GALK1: variants seen among roughly 807,000 people sequenced by gnomAD.
GALK1 encodes the protein galactokinase 1.
In GALK1, 30 loss-of-function variants were observed where a neutral mutation model predicts 38.6. The observed-to-expected ratio is 0.78, with a 90% CI of 0.58 to 1.05. The LOEUF (loss-of-function observed/expected upper bound fraction) is 1.05. Ranked by LOEUF, GALK1 falls within the 50% of genes least tolerant of loss-of-function variation. The pLI is 0.00. For missense variants in GALK1, 512 were observed against 540.5 expected (o/e 0.95, Z 0.52); for synonymous variants, 240 against 233.6 (o/e 1.03, Z -0.25).
chr17:75,759,433 A>G (rs546400031), intron 5 of GALK1, among the ~76,000 whole-genome samples: 2 of 149,574 alleles, frequency 1.3e-5, no homozygotes, highest in South Asian at 2.1e-4. Flanking sequence ...CTCTCAAAAA[A>G]AAAGAAAGAA....
At chr17:75,756,961 G>C (rs376139144), downstream of GALK1, 2 of 1,612,654 alleles carry the variant, frequency 1.2e-6, no homozygotes, top group Non-Finnish European at 8.5e-7. Context: ...ACCGCATTCC[G>C]GGTGGATGGA....
downstream of GALK1, among the ~76,000 whole-genome samples, chr17:75,756,255 T>C (rs1359062006): frequency 6.6e-6 from 1 of 152,088 alleles, no homozygotes; most frequent in African/African-American, 2.4e-5. Flanking sequence ...CACTCTTGTA[T>C]AGTACACAAT....
At chr17:75,754,034 G>T, downstream of GALK1, 1 of 796,326 alleles carries the variant, frequency 1.3e-6, no homozygotes, top group Admixed American at 4.0e-5. Flanking sequence ...CGCGCCTGAG[G>T]GCCTGGGGTG....
At chr17:75,760,923 G>T (rs1350668843) in intron 5 of GALK1, among the ~76,000 whole-genome samples, 3 of 152,054 alleles carry the variant, frequency 2.0e-5, no homozygotes, top group African/African-American at 7.2e-5. Context: ...AAAAAAGATG[G>T]CCAGGCACAG....
downstream of GALK1, chr17:75,757,222 C>A (rs11465): frequency 6.2e-7 from 1 of 1,612,060 alleles, no homozygotes; most frequent in South Asian, 1.1e-5. Flanking sequence ...AGCTGGGCAG[C>A]CGTGCCGGGC....
At chr17:75,760,212 GC>G (rs1183457286) in intron 5 of GALK1, among the ~76,000 whole-genome samples, 1 of 151,928 alleles carries the variant, frequency 6.6e-6, no homozygotes, top group African/African-American at 2.4e-5. Flanking sequence ...TCCCACCCCA[GC>G]CTCCTAAGTA....
downstream of GALK1, chr17:75,757,618 C>T: frequency 2.5e-6 from 4 of 1,603,934 alleles, no homozygotes; most frequent in Middle Eastern, 3.3e-4. Context: ...CTCCCGGAGC[C>T]TCCTCAGCTA....
downstream of GALK1, chr17:75,757,762 A>C: frequency 1.4e-6 from 1 of 714,890 alleles, no homozygotes; most frequent in Non-Finnish European, 2.4e-6. Context: ...AAGAGCTGGG[A>C]GCAGCACAAG....
At chr17:75,756,666 C>A (rs780968655), downstream of GALK1, 3 of 1,613,112 alleles carry the variant, frequency 1.9e-6, no homozygotes, top group African/African-American at 4.0e-5. Context: ...TGCCCACCAC[C>A]CACCCACAGG....
downstream of GALK1, chr17:75,757,081 T>C: frequency 1.2e-6 from 2 of 1,612,578 alleles, no homozygotes; most frequent in Non-Finnish European, 8.5e-7. Context: ...CGCGAGGGCA[T>C]CATCACCATA....
intron 1 of GALK1, chr17:75,764,498 C>T: frequency 1.9e-6 from 1 of 514,556 alleles, no homozygotes; most frequent in Non-Finnish European, 3.8e-6. Context: ...CAAGTCGCAG[C>T]CCCGCCAAGA....
At chr17:75,754,836 C>T (rs1464794513), downstream of GALK1, 1 of 1,614,054 alleles carries the variant, frequency 6.2e-7, no homozygotes, top group Admixed American at 1.7e-5. Flanking sequence ...TCAGCCAACC[C>T]TGCCTCTCCC....
In GALK1 at chr17:75,763,128, C is replaced by T. The variant is rs145732791; in HGVS notation, c.497G>A (p.Arg166His). ...CTCGGCCTGCTGACACACCTGGGCG[C>T]GGGCAGCTATTGTGCCCGAGTCTGC... ...LCPDSGTIAA[R>H]AQVCQQAEHS... The change falls in exon 4 of 8, where the codon CGC (arginine) becomes CAC (histidine). Residue 166 changes from arginine (R) to histidine (H), a missense_variant. Transcript: ENST00000588479. The T allele has an allele frequency of 1.7e-5, 28 of 1,611,784 alleles. No individual in the cohort carries two copies. The highest frequency in any genetic ancestry group is 2.2e-5 in the East Asian group (1 of 44,888).
At chr17:75,754,482 G>A, downstream of GALK1, 1 of 1,521,716 alleles carries the variant, frequency 6.6e-7, no homozygotes, top group Non-Finnish European at 9.1e-7. Flanking sequence ...GCCACCCAGA[G>A]GGTGGGTGAC....
At position 75,765,157 on chromosome 17, in the gene GALK1, C is replaced by G; in HGVS notation, c.-21G>C. 2 of 1,507,352 alleles carry G rather than the reference C, an allele frequency of 1.3e-6. No homozygotes were observed. The highest frequency in any genetic ancestry group is 1.8e-6 in the Non-Finnish European group (2 of 1,131,418). The allele number at this position is 1,507,352 out of a possible 1,614,324, so 93.4% of individuals were successfully genotyped here. A position where few individuals can be genotyped will look rare whatever the true frequency, so the allele number is the denominator to read the frequency against. On this transcript the variant is annotated 5_prime_UTR_variant, in exon 1 of 8. Transcript: ENST00000588479. ...GCCATGACGCGCGCCTGCAGCTCTG[C>G]ACAGCTGCTCCGGCACAGCCCCGTC...
chr17:75,756,745 C>G (rs747613058), downstream of GALK1: 3 of 1,612,960 alleles, frequency 1.9e-6, no homozygotes, highest in Admixed American at 1.7e-5. Flanking sequence ...CCCAGGCCCG[C>G]TGGTGTTCAC....
chr17:75,762,995 C>A lies in GALK1; in HGVS notation c.611+19G>T. 1 of 1,612,154 alleles carries A rather than the reference C, an allele frequency of 6.2e-7. No homozygotes were observed. Among genetic ancestry groups the A allele is most frequent in the Non-Finnish European group, 8.5e-7 (1 of 1,179,892 alleles). On this transcript the variant is annotated intron_variant, in intron 4 of 7. Coordinates refer to ENST00000588479, the MANE Select transcript of GALK1 (RefSeq NM_000154.2). The stretch of plus-strand genomic sequence containing the variant: ...CTGCTGAGTGCAGGGCGGGAGGGGA[C>A]GAGGGGAGCGAGCCCAACCTGCAGT...
intron 2 of GALK1, 42 bp from the exon 3 acceptor site, chr17:75,763,481 G>A (rs767556614): frequency 2.6e-6 from 4 of 1,556,454 alleles, no homozygotes; most frequent in Non-Finnish European, 3.5e-6. Context: ...GGGCTGCCTG[G>A]GAGGATGGCA....
At chr17:75,754,748 C>T, downstream of GALK1, 3 of 1,612,682 alleles carry the variant, frequency 1.9e-6, no homozygotes, top group Non-Finnish European at 1.7e-6. Flanking sequence ...CACTGACCCG[C>T]TCAGAACACT....
Sources: allele counts gnomAD v4.1 joint callset (sites outside exome capture counted in the v4.1 genomes callset), GRCh38; gene constraint gnomAD v4.1.1; transcripts MANE v1.5; gene names NCBI Gene and HGNC (gene_info 2026-07-23, HGNC 2026-07-21).